Variants in NSA2 observed in about 807,000 individuals in gnomAD.
The protein encoded by NSA2 is NSA2 ribosome biogenesis factor.
In NSA2, 18 loss-of-function variants were observed where a neutral mutation model predicts 34.8. The ratio of observed to expected loss-of-function variants is 0.52; its 90% CI spans 0.36 to 0.77. The LOEUF is 0.77. Ranked by LOEUF, NSA2 falls within the 30% of genes least tolerant of loss-of-function variation. NSA2 has a pLI of 0.00. For synonymous variants in NSA2, 79 were observed against 100.2 expected, an observed-to-expected ratio of 0.79 and a Z score of 1.26; for missense variants, 188 against 314.7, an observed-to-expected ratio of 0.60 and a Z score of 3.05.
Position 74,774,010 on chromosome 5 carries a change from T to G in NSA2, c.665T>G (p.Val222Gly). 1.2e-6 allele frequency: 2 copies of G among 1,613,990 alleles called. No homozygotes were observed. Among genetic ancestry groups the G allele is most frequent in the Non-Finnish European group, 1.7e-6 (2 of 1,179,966 alleles). ...ATTACCAAAGGTACTGTCATTGAAG[T>G]AAATGTGAGCGAATTGGGCCTTGTG... ...GVITKGTVIEVNVSELGLVTQ... is the reference protein window; with the variant it reads ...GVITKGTVIEGNVSELGLVTQ... Residue 222 changes from valine to glycine, a missense_variant, in exon 5 of 6, where the codon GTA (valine) becomes GGA (glycine). By Grantham distance (109) the Val-to-Gly change is moderately radical. Coordinates refer to ENST00000610426, the MANE Select transcript of NSA2 (RefSeq NM_014886.6).
chr5:74,772,172 G>T (rs1184695267), intron 4 of NSA2, among the ~76,000 whole-genome samples: 22 of 149,538 alleles, frequency 1.5e-4, no homozygotes, highest in East Asian at 8.0e-4. Flanking sequence ...TATCCCAGGC[G>T]GGAGTGCAGT....
chr5:74,775,200 A>G (rs1358158294), intron 5 of NSA2, among the ~76,000 whole-genome samples: 1 of 152,206 alleles, frequency 6.6e-6, no homozygotes, highest in East Asian at 1.9e-4. Context: ...TGGATGACAG[A>G]GCGAGACTCT....
At position 74,773,870 on chromosome 5, in the gene NSA2, C is replaced by G. The variant is rs777319121; in HGVS notation, c.525C>G (p.Gly175=). 3 of 1,611,240 alleles carry G rather than the reference C, an allele frequency of 1.9e-6. No individual in the cohort carries two copies. The highest frequency in any genetic ancestry group is 2.5e-6 in the Non-Finnish European group (3 of 1,178,500). ...TTATGTTGTGTTTGACTTACTAGGG[C>G]TTGCGTTTCAAGAAAGCCCATGTAA... ...PKYERFIRPM[G]LRFKKAHVTH... is the part of the protein sequence containing the mutation. The change falls in exon 5 of 6, where the codon GGC becomes GGG. Residue 175 remains glycine (G), a splice_region_variant and synonymous_variant. Transcript: ENST00000610426.
chr5:74,767,957 G>A (rs1744753975), intron 1 of NSA2, among the ~76,000 whole-genome samples: 1 of 152,200 alleles, frequency 6.6e-6, no homozygotes, highest in Admixed American at 6.5e-5. Context: ...CTTGTTGGTT[G>A]TTACTTAACA....
At chr5:74,774,674 AATATT>A (rs949887514) in intron 5 of NSA2, among the ~76,000 whole-genome samples, 7 of 152,202 alleles carry the variant, frequency 4.6e-5, no homozygotes, top group Non-Finnish European at 8.8e-5. Flanking sequence ...ATAACTAAGA[AATATT>A]ATAAGAAAAT....
At chr5:74,772,097 C>G (rs1435793330) in intron 4 of NSA2, among the ~76,000 whole-genome samples, 1 of 151,630 alleles carries the variant, frequency 6.6e-6, no homozygotes, top group Non-Finnish European at 1.5e-5. Context: ...TTGCAACATG[C>G]CATAATCCTA....
chr5:74,770,849 T>C (rs753623878), intron 4 of NSA2, 39 bp downstream of exon 4: 44 of 1,381,954 alleles, frequency 3.2e-5, no homozygotes, highest in Non-Finnish European at 1.9e-6. Flanking sequence ...AAATGTTAGT[T>C]GACTTTATTA....
In NSA2 at chr5:74,775,333, T is replaced by C. The variant is rs971955042; in HGVS notation, c.716-1271T>C. Among the ~76,000 whole-genome samples the C allele has an allele frequency of 2.6e-5, 4 of 151,956 alleles. No individual in the cohort carries two copies. In the East Asian group the frequency reaches 5.8e-4, roughly 22 times the overall value. ...TCCAGGCTTTAAAAAGCCCCCTCGC[T>C]ATCTGGGCGCAGTGGCTGACACCTA... On this transcript the variant is annotated intron_variant, in intron 5 of 5. Coordinates refer to ENST00000610426, the MANE Select transcript of NSA2 (RefSeq NM_014886.6).
In NSA2 at chr5:74,774,905, G is replaced by A. The variant is rs139627120; in HGVS notation, c.715+845G>A. ...TACATTTAAAGAAATAGAACTATCT[G>A]TCCCACGTAGGTAAACTGATCATTG... On this transcript the variant is annotated intron_variant, in intron 5 of 5. Coordinates refer to ENST00000610426, the MANE Select transcript of NSA2 (RefSeq NM_014886.6). 1.5e-3 allele frequency among the ~76,000 whole-genome samples: 224 copies of A among 152,206 alleles called. 1 individual carries two copies. Among genetic ancestry groups the A allele is most frequent in the African/African-American group, 5.2e-3 (218 of 41,554 alleles).
intron 5 of NSA2, among the ~76,000 whole-genome samples, chr5:74,774,992 GATC>G (rs1745064751): frequency 1.3e-5 from 2 of 152,206 alleles, no homozygotes; most frequent in South Asian, 4.2e-4. Context: ...GAGGCGGACA[GATC>G]ATCTGCAGTC....
rs116658688 is a variant in NSA2, at chr5:74,769,182, G to A, written c.192-32G>A. ...CTTTTGAGTAATCATTATTAAAACAGATAATCTTGAATCTTTTTTCCTTCT... is the reference window on the plus strand; with the variant it reads ...CTTTTGAGTAATCATTATTAAAACAAATAATCTTGAATCTTTTTTCCTTCT... On this transcript the variant is annotated intron_variant, in intron 2 of 5. Transcript: ENST00000610426. The A allele has an allele frequency of 2.5e-3, 4,013 of 1,594,352 alleles. 92 individuals are homozygous for A. In the African/African-American group the frequency reaches 0.047, roughly 19 times the overall value.
chr5:74,770,488 C>T, intron 3 of NSA2, 143 bp from the exon 4 acceptor site: 1 of 592,296 alleles, frequency 1.7e-6, no homozygotes, highest in Non-Finnish European at 3.0e-6. Context: ...CAATACAGAC[C>T]TCTAGAAGAC....
At position 74,767,289 on chromosome 5, in the gene NSA2, T is replaced by A; in HGVS notation, c.-72T>A. On this transcript the variant is annotated 5_prime_UTR_variant, in exon 1 of 6. Coordinates refer to ENST00000610426, the MANE Select transcript of NSA2 (RefSeq NM_014886.6). ...GGCCTGCGTGGTGTGGGCTTGTGGG[T>A]CTTTGAGACCCGAAAATTGAGAGCG... 6.2e-7 allele frequency: 1 copy of A among 1,601,072 alleles called. No individual in the cohort carries two copies. The highest frequency in any genetic ancestry group is 8.5e-7 in the Non-Finnish European group (1 of 1,169,640).
At chr5:74,768,260 A>G (rs1286257103) in intron 1 of NSA2, among the ~76,000 whole-genome samples, 1 of 152,212 alleles carries the variant, frequency 6.6e-6, no homozygotes, top group African/African-American at 2.4e-5. Flanking sequence ...TGGTGTATCC[A>G]TACAATAGCA....
chr5:74,778,261 A>G lies in NSA2; in HGVS notation c.*1590A>G, dbSNP rs553490524. On this transcript the variant is annotated 3_prime_UTR_variant, in exon 6 of 6. Transcript: ENST00000610426. Reference sequence around the variant, plus strand: ...CCTGAAACATTTTTCAAAATACTGTAACACAGATGAGTAATATTAGTATAA... The same window carrying G: ...CCTGAAACATTTTTCAAAATACTGTGACACAGATGAGTAATATTAGTATAA... The G allele has an allele frequency of 1.3e-5, 2 of 152,200 alleles. No individual in the cohort carries two copies. The highest frequency in any genetic ancestry group is 4.1e-4 in the South Asian group (2 of 4,832). The allele number at this position is 152,200 out of a possible 1,614,324, so 9.4% of individuals were successfully genotyped here.
At chr5:74,772,750 TCA>T (rs1033371036) in intron 4 of NSA2, among the ~76,000 whole-genome samples, 7 of 152,372 alleles carry the variant, frequency 4.6e-5, no homozygotes, top group African/African-American at 1.7e-4. Flanking sequence ...TTCTGTAGTT[TCA>T]CAGATTTGTC....
At chr5:74,768,754 T>C (rs1330278149) in intron 1 of NSA2, among the ~76,000 whole-genome samples, 177 bp from the exon 2 acceptor site, 1 of 152,220 alleles carries the variant, frequency 6.6e-6, no homozygotes, top group Non-Finnish European at 1.5e-5. Flanking sequence ...TGATGCCTCA[T>C]ATCATTCAAG....
At chr5:74,769,754 CA>C (rs1268363288) in intron 3 of NSA2, among the ~76,000 whole-genome samples, 1 of 152,016 alleles carries the variant, frequency 6.6e-6, no homozygotes, top group Non-Finnish European at 1.5e-5. Context: ...TGAGTTGTCA[CA>C]AAAAATGTGG....
Position 74,767,371 on chromosome 5 carries a change from G to A in NSA2, c.3+8G>A, listed in dbSNP as rs1203933558. ...TCTGCGGCCGTCACCATGGTAAGGA[G>A]GATGCCTCGGACGCTCGCGACACAC... On this transcript the variant is annotated splice_region_variant and intron_variant, in intron 1 of 5. Coordinates refer to ENST00000610426, the MANE Select transcript of NSA2 (RefSeq NM_014886.6). 2 of 1,612,884 alleles carry A rather than the reference G, an allele frequency of 1.2e-6. No homozygotes were observed. The highest frequency in any genetic ancestry group is 1.7e-6 in the Non-Finnish European group (2 of 1,179,686).
Sources: gnomAD v4.1 joint callset for allele counts (sites outside exome capture counted in the v4.1 genomes callset) on GRCh38, gnomAD v4.1.1 for gene constraint, MANE v1.5 for transcripts, NCBI Gene and HGNC (gene_info 2026-07-23, HGNC 2026-07-21) for gene names.